The following KCNH7 variants were observed in gnomAD, a reference collection of about 807,000 sequenced individuals.
The protein encoded by KCNH7 is voltage-gated inwardly rectifying potassium channel KCNH7.
Under a neutral mutation model 120.8 loss-of-function variants are expected in KCNH7, and 49 were observed. That is an observed-to-expected ratio of 0.41 (90% CI 0.32 to 0.51). The LOEUF (loss-of-function observed/expected upper bound fraction) is 0.51. KCNH7 is among the 20% of genes least tolerant of loss of function. KCNH7 has a pLI of 0.38. For synonymous variants in KCNH7, 547 were observed against 516.1 expected, an observed-to-expected ratio of 1.06 and a Z score of -0.81; for missense variants, 1,097 against 1,446.6, an observed-to-expected ratio of 0.76 and a Z score of 3.92.
At chr2:162,680,460 C>A (rs924921459) in intron 2 of KCNH7, among the ~76,000 whole-genome samples, 1 of 151,506 alleles carries the variant, frequency 6.6e-6, no homozygotes, top group Non-Finnish European at 1.5e-5. Flanking sequence ...TTTTGTTTTT[C>A]CCGTAGCAAT....
Position 162,517,862 on chromosome 2 carries a change from A to C in KCNH7, c.760T>G (p.Ser254Ala). 6.2e-7 allele frequency: 1 copy of C among 1,612,408 alleles called. No individual in the cohort carries two copies. The highest frequency in any genetic ancestry group is 8.5e-7 in the Non-Finnish European group (1 of 1,178,926). ...WDRLYPDMLQ[S>A]SSQLSHSRSR... ...CTGGAATGGGACAGCTGGGAACTTG[A>C]CTGCAGCATGTCAGGGTAGAGTCGG... Residue 254 changes from serine (S) to alanine (A), a missense_variant, in exon 4 of 16, where the codon TCA becomes GCA. This residue lies in a region of KCNH7 where 362 missense variants were observed against 372.2 expected (regional missense o/e 0.97). Transcript: ENST00000332142.
At chr2:162,657,401 C>T (rs1255698362) in intron 2 of KCNH7, among the ~76,000 whole-genome samples, 2 of 152,138 alleles carry the variant, frequency 1.3e-5, no homozygotes, top group African/African-American at 4.8e-5. Flanking sequence ...TTACAGCTGT[C>T]ATCTCACAGT....
intron 9 of KCNH7, among the ~76,000 whole-genome samples, chr2:162,422,693 G>A (rs1687745828): frequency 6.6e-6 from 1 of 152,058 alleles, no homozygotes; most frequent in Non-Finnish European, 1.5e-5. Flanking sequence ...ACAGGTGATT[G>A]CTGATGCTGA....
intron 2 of KCNH7, among the ~76,000 whole-genome samples, chr2:162,624,810 T>A (rs1412951426): frequency 6.6e-6 from 1 of 150,712 alleles, no homozygotes; most frequent in East Asian, 1.9e-4. Flanking sequence ...CATTGGCAGC[T>A]GAGCAATGAT....
chr2:162,429,282 T>C (rs1005440732), intron 8 of KCNH7, among the ~76,000 whole-genome samples: 1 of 151,612 alleles, frequency 6.6e-6, no homozygotes, highest in Non-Finnish European at 1.5e-5. Flanking sequence ...TGTCATAATT[T>C]CTCCTTCTAC....
intron 2 of KCNH7, among the ~76,000 whole-genome samples, chr2:162,573,816 G>A (rs987512316): frequency 3.3e-5 from 5 of 151,952 alleles, no homozygotes; most frequent in Non-Finnish European, 7.4e-5. Flanking sequence ...CTGGCAGGGA[G>A]CTTCTAATTT....
intron 2 of KCNH7, among the ~76,000 whole-genome samples, chr2:162,753,663 G>A (rs980024191): frequency 5.9e-5 from 9 of 151,712 alleles, no homozygotes; most frequent in African/African-American, 1.7e-4. Flanking sequence ...GTAATCTCTC[G>A]GTTGGGATCC....
intron 2 of KCNH7, among the ~76,000 whole-genome samples, chr2:162,560,639 G>T (rs1309486495): frequency 1.3e-5 from 2 of 152,192 alleles, no homozygotes; most frequent in Non-Finnish European, 2.9e-5. Flanking sequence ...TGCCAGTCAA[G>T]TATGAAAATG....
chr2:162,442,823 A>T (rs9750289), intron 7 of KCNH7, among the ~76,000 whole-genome samples: 22,393 of 152,152 alleles, frequency 0.15, 4,391 homozygotes, highest in African/African-American at 0.44. Context: ...ACCACTGCAC[A>T]CTAGCTTGGG....
Position 162,396,757 on chromosome 2 carries a change from T to C in KCNH7, c.2596A>G (p.Arg866Gly). The C allele has an allele frequency of 6.2e-7, 1 of 1,610,640 alleles. No individual in the cohort carries two copies. Among genetic ancestry groups the C allele is most frequent in the Non-Finnish European group, 8.5e-7 (1 of 1,177,852 alleles). ...ACATATACCTTTGCGCTCTCATGCC[T>C]TAGGTTGAAAGTCAACTCTAGGTTT... ...LTNLELTFNLRHESAKADLLR... is the reference protein window; with the variant it reads ...LTNLELTFNLGHESAKADLLR... Residue 866 changes from arginine to glycine, a missense_variant, in exon 11 of 16, where the codon AGG becomes GGG. By Grantham distance (125) the Arg-to-Gly change is moderately radical (BLOSUM62 -2). Around this residue, in one of 8 missense-constraint regions of KCNH7, gnomAD observed 406 missense variants for 410.5 expected, o/e 0.99. Transcript: ENST00000332142.
chr2:162,435,403 G>T lies in KCNH7; in HGVS notation c.1749C>A (p.Asp583Glu), dbSNP rs750361381. ...IGNVERPYLT[D>E]KIGWLDSLGQ... ...CTAAGGAATCCAACCATCCGATTTT[G>T]TCAGTCAGGTAAGGCCTTTCTACAT... is the stretch of plus-strand genomic sequence containing the variant. The change falls in exon 8 of 16, where the codon GAC (aspartate) becomes GAA (glutamate). Residue 583 changes from aspartate to glutamate, a missense_variant. By Grantham distance (45) the Asp-to-Glu change is conservative. Transcript: ENST00000332142. The T allele has an allele frequency of 6.2e-7, 1 of 1,613,822 alleles. No individual in the cohort carries two copies. The highest frequency in any genetic ancestry group is 8.5e-7 in the Non-Finnish European group (1 of 1,179,878).
chr2:162,818,745 T>A (rs997283623), intron 2 of KCNH7, among the ~76,000 whole-genome samples: 1 of 152,196 alleles, frequency 6.6e-6, no homozygotes, highest in Admixed American at 6.5e-5. Context: ...ATGATATAAG[T>A]CTTGCACATT....
At chr2:162,683,213 T>C (rs2105316197) in intron 2 of KCNH7, among the ~76,000 whole-genome samples, 1 of 152,046 alleles carries the variant, frequency 6.6e-6, no homozygotes, top group Middle Eastern at 3.4e-3. Context: ...GATAGAGATT[T>C]ATATCCCTCT....
At chr2:162,404,422 C>T (rs1183798595) in intron 9 of KCNH7, among the ~76,000 whole-genome samples, 1 of 151,862 alleles carries the variant, frequency 6.6e-6, no homozygotes, top group Non-Finnish European at 1.5e-5. Flanking sequence ...GGATATTTGT[C>T]CCATCCATCT....
At chr2:162,823,454 A>C (rs1685182330) in intron 2 of KCNH7, among the ~76,000 whole-genome samples, 1 of 152,170 alleles carries the variant, frequency 6.6e-6, no homozygotes, top group African/African-American at 2.4e-5. Flanking sequence ...AAAATCAACA[A>C]AAATTTAAAA....
chr2:162,749,730 A>G (rs1688474622), intron 2 of KCNH7, among the ~76,000 whole-genome samples: 1 of 152,174 alleles, frequency 6.6e-6, no homozygotes, highest in Non-Finnish European at 1.5e-5. Context: ...ATGACAGATA[A>G]TACCAAAAGC....
chr2:162,657,661 T>C (rs1684812654), intron 2 of KCNH7, among the ~76,000 whole-genome samples: 2 of 152,200 alleles, frequency 1.3e-5, no homozygotes, highest in Admixed American at 1.3e-4. Flanking sequence ...TACAGGTTTC[T>C]GTGTGGACAT....
intron 2 of KCNH7, among the ~76,000 whole-genome samples, chr2:162,775,102 A>T (rs909113499): frequency 1.3e-5 from 2 of 152,134 alleles, no homozygotes; most frequent in Admixed American, 1.3e-4. Context: ...CTCTTAATAC[A>T]TATAACCATA....
At chr2:162,527,895 T>G (rs1044919399) in intron 3 of KCNH7, 8 of 152,026 alleles carry the variant, frequency 5.3e-5, no homozygotes, top group African/African-American at 1.9e-4. Flanking sequence ...AGCTAAACAT[T>G]CATTAACCTA....
Sources: gnomAD v4.1 joint callset for allele counts (sites outside exome capture counted in the v4.1 genomes callset) on GRCh38, gnomAD v4.1.1 for gene constraint, gnomAD v4.1.1 regional missense constraint, MANE v1.5 for transcripts, NCBI Gene and HGNC (gene_info 2026-07-23, HGNC 2026-07-21) for gene names.